Variants in CNTN3 observed in about 807,000 individuals in gnomAD.
CNTN3 encodes contactin 3.
In CNTN3, 60 loss-of-function variants were observed where a neutral mutation model predicts 119.1. That is an observed-to-expected ratio of 0.50 (90% confidence interval 0.41 to 0.62). The LOEUF is 0.62. Among genes scored for constraint, CNTN3 ranks in the 20% least tolerant of loss-of-function variants. The pLI is 0.00. For missense variants in CNTN3, 1,101 were observed against 1,242.4 expected (o/e 0.89, Z 1.71); for synonymous variants, 450 against 438.7 (o/e 1.03, Z -0.32).
intron 13 of CNTN3, among the ~76,000 whole-genome samples, chr3:74,309,650 T>C (rs1223304658): frequency 1.3e-5 from 2 of 152,120 alleles, no homozygotes; most frequent in Admixed American, 6.6e-5. Context: ...AATGAGCAGT[T>C]AGGGTAAAAA....
chr3:74,558,868 C>T (rs1408929002), intron 1 of CNTN3, among the ~76,000 whole-genome samples: 1 of 151,708 alleles, frequency 6.6e-6, no homozygotes, highest in Non-Finnish European at 1.5e-5. Context: ...CATGTAATCC[C>T]AGCTGTTCTG....
rs943857034 is a variant in CNTN3, at chr3:74,301,519, G to A, written c.1974C>T (p.His658=). ...GGTTTAACTCAACTACAGTGGCTGT[G>A]TGCGTCTTCCCATCGATGACCTCAG... ...TVPEVIDGKT[H]TATVVELNPW... is the part of the protein sequence containing the mutation. Residue 658 remains histidine (H), a synonymous_variant, in exon 16 of 23, where the codon CAC becomes CAT. Transcript: ENST00000263665. The A allele has an allele frequency of 1.2e-5, 19 of 1,613,950 alleles. No individual in the cohort carries two copies. The highest frequency in any genetic ancestry group is 1.4e-5 in the Non-Finnish European group (17 of 1,179,986).
At position 74,298,079 on chromosome 3, in the gene CNTN3, C is replaced by T. The variant is rs755671166; in HGVS notation, c.2279G>A (p.Arg760Lys). ...GATGCTTTCATTCCTAAAGACATAT[C>T]TTGGGGTGTCAGGGGATGTCACCAC... is the stretch of plus-strand genomic sequence containing the variant. Reference protein sequence around the residue: ...QTVVTSPDTPRYVFRNESIVP... With the variant: ...QTVVTSPDTPKYVFRNESIVP... Residue 760 changes from arginine to lysine, a missense_variant, in exon 18 of 23, where the codon AGA (arginine) becomes AAA (lysine). Physicochemically the swap from Arg to Lys is conservative, Grantham distance 26. Transcript: ENST00000263665. 6.2e-7 allele frequency: 1 copy of T among 1,614,022 alleles called. No individual in the cohort carries two copies. Among genetic ancestry groups the T allele is most frequent in the South Asian group, 1.1e-5 (1 of 91,086 alleles).
intron 4 of CNTN3, among the ~76,000 whole-genome samples, chr3:74,429,745 A>C (rs1395940428): frequency 6.6e-6 from 1 of 152,148 alleles, no homozygotes; most frequent in Non-Finnish European, 1.5e-5. Context: ...TTATCCACTA[A>C]AGAAAGAGTA....
chr3:74,523,018 T>C (rs996815957), intron 1 of CNTN3, among the ~76,000 whole-genome samples: 2 of 151,818 alleles, frequency 1.3e-5, no homozygotes, highest in Admixed American at 6.6e-5. Context: ...TCAATCATTA[T>C]ACTGCTCAAG....
At chr3:74,316,654 C>T (rs886947616) in intron 13 of CNTN3, among the ~76,000 whole-genome samples, 16 of 151,956 alleles carry the variant, frequency 1.1e-4, no homozygotes, top group African/African-American at 3.9e-4. Flanking sequence ...ACTCTGCAAC[C>T]ATGAAAAAGA....
At chr3:74,296,118 TC>T (rs1460996296) in intron 18 of CNTN3, among the ~76,000 whole-genome samples, 1 of 152,116 alleles carries the variant, frequency 6.6e-6, no homozygotes, top group Non-Finnish European at 1.5e-5. Context: ...TGCATAACTC[TC>T]CCTTGGATTC....
In CNTN3 at chr3:74,613,966, CT is replaced by C. The variant is rs552397576; in HGVS notation, c.-81+424del. Among the ~76,000 whole-genome samples, 21 of 152,326 alleles carry C rather than the reference CT, an allele frequency of 1.4e-4. No individual in the cohort carries two copies. In the East Asian group the frequency reaches 4.1e-3, roughly 29 times the overall value. ...ATCGGCCACCCTAGCTTTCTCAGACCTGGGAATCTGGGCCTGGGGGGTGGTT... is the reference window on the plus strand; with the variant it reads ...ATCGGCCACCCTAGCTTTCTCAGACCGGGAATCTGGGCCTGGGGGGTGGTT... On this transcript the variant is annotated intron_variant, in intron 1 of 22. Coordinates refer to ENST00000263665, the MANE Select transcript of CNTN3 (RefSeq NM_020872.3).
At chr3:74,524,090 A>G (rs1303960814) in intron 1 of CNTN3, among the ~76,000 whole-genome samples, 1 of 151,954 alleles carries the variant, frequency 6.6e-6, no homozygotes, top group African/African-American at 2.4e-5. Flanking sequence ...AAATTGTTTC[A>G]GGAAAGTGTA....
intron 13 of CNTN3, among the ~76,000 whole-genome samples, chr3:74,312,455 C>CAAAAAAAAAAA (rs745514119): frequency 1.1e-4 from 3 of 27,802 alleles, no homozygotes; most frequent in African/African-American, 3.8e-4. Flanking sequence ...GACTCCATCT[C>CAAAAAAAAAAA]AAAAAAAAAA....
chr3:74,280,258 C>A (rs891633481), intron 20 of CNTN3, among the ~76,000 whole-genome samples: 1 of 152,192 alleles, frequency 6.6e-6, no homozygotes, highest in Non-Finnish European at 1.5e-5. Flanking sequence ...CATGGATGAG[C>A]ATTTCATTTA....
At chr3:74,462,873 A>G (rs114308504) in intron 4 of CNTN3, among the ~76,000 whole-genome samples, 3,454 of 152,198 alleles carry the variant, frequency 0.023, 119 homozygotes, top group African/African-American at 0.074. Flanking sequence ...AAATGCAGAA[A>G]CAATCAGCAT....
At chr3:74,613,588 A>G (rs2106722550) in intron 1 of CNTN3, among the ~76,000 whole-genome samples, 1 of 152,312 alleles carries the variant, frequency 6.6e-6, no homozygotes, top group East Asian at 1.9e-4. Context: ...AATGCAATAC[A>G]GGGAAAGACA....
At chr3:74,474,397 G>A (rs1489604045) in intron 4 of CNTN3, among the ~76,000 whole-genome samples, 1 of 152,146 alleles carries the variant, frequency 6.6e-6, no homozygotes, top group Non-Finnish European at 1.5e-5. Context: ...GATACCCAGA[G>A]ATGTGGACAC....
At chr3:74,397,095 A>C (rs1705075693) in intron 5 of CNTN3, among the ~76,000 whole-genome samples, 1 of 152,206 alleles carries the variant, frequency 6.6e-6, no homozygotes, top group African/African-American at 2.4e-5. Flanking sequence ...TTAGGAACTA[A>C]TGTAGCTGAT....
intron 1 of CNTN3, among the ~76,000 whole-genome samples, chr3:74,579,364 CA>C (rs1274802474): frequency 4.4e-3 from 587 of 134,390 alleles, no homozygotes; most frequent in Middle Eastern, 7.8e-3. Flanking sequence ...CCACCCCCCT[CA>C]AAAAAAAAAA....
chr3:74,311,104 C>G (rs984357782), intron 13 of CNTN3, among the ~76,000 whole-genome samples: 5 of 152,160 alleles, frequency 3.3e-5, no homozygotes, highest in African/African-American at 1.2e-4. Flanking sequence ...GGACTAGACA[C>G]CCTTCAATTT....
At chr3:74,308,353 T>C (rs1210310943) in intron 13 of CNTN3, among the ~76,000 whole-genome samples, 2 of 152,340 alleles carry the variant, frequency 1.3e-5, no homozygotes, top group Admixed American at 1.3e-4. Flanking sequence ...CAGGTGATAT[T>C]TAAGACAGGT....
intron 10 of CNTN3, among the ~76,000 whole-genome samples, chr3:74,363,087 C>T (rs1326421306): frequency 6.6e-6 from 1 of 152,166 alleles, no homozygotes; most frequent in African/African-American, 2.4e-5. Context: ...TAAACTATGG[C>T]TCATCAGCTT....
Sources: allele counts gnomAD v4.1 joint callset (sites outside exome capture counted in the v4.1 genomes callset), GRCh38; gene constraint gnomAD v4.1.1; transcripts MANE v1.5; gene names NCBI Gene and HGNC (gene_info 2026-07-23, HGNC 2026-07-21).